The following STK3 variants were observed in gnomAD, a reference collection of about 807,000 sequenced individuals.
STK3 encodes serine/threonine-protein kinase 3.
In STK3, 41 loss-of-function variants were observed where a neutral mutation model predicts 58.0. The observed-to-expected ratio is 0.71, with a 90% confidence interval of 0.55 to 0.92. The LOEUF (loss-of-function observed/expected upper bound fraction) is 0.92. STK3 is among the 40% of genes least tolerant of loss of function. STK3 has a pLI of 0.00. For missense variants in STK3, 479 were observed against 602.7 expected, an observed-to-expected ratio of 0.79 and a Z score of 2.15; for synonymous variants, 170 against 191.0, an observed-to-expected ratio of 0.89 and a Z score of 0.91.
At position 98,579,749 on chromosome 8, in the gene STK3, C is replaced by T; in HGVS notation, c.863G>A (p.Arg288Lys). ...IKNAKPVSIL[R>K]DLITEAMEIK... is the part of the protein sequence containing the mutation. ...CTCCATAGCTTCTGTGATCAGGTCTCTTAATATTGATACAGGTTTGGCATT... is the reference window on the plus strand; with the variant it reads ...CTCCATAGCTTCTGTGATCAGGTCTTTTAATATTGATACAGGTTTGGCATT... The change falls in exon 8 of 11, where the codon AGA (arginine) becomes AAA (lysine). Residue 288 changes from arginine to lysine, a missense_variant. Transcript: ENST00000419617. 5.6e-6 allele frequency: 9 copies of T among 1,602,964 alleles called. No homozygotes were observed. The highest frequency in any genetic ancestry group is 7.6e-6 in the Non-Finnish European group (9 of 1,176,738).
chr8:98,712,654 A>T (rs1479052367), intron 4 of STK3, among the ~76,000 whole-genome samples: 1 of 151,994 alleles, frequency 6.6e-6, no homozygotes, highest in South Asian at 2.1e-4. Flanking sequence ...CTGACCTACA[A>T]AGAGACTTAG....
chr8:98,480,385 T>G (rs1342535004), intron 10 of STK3, among the ~76,000 whole-genome samples: 1 of 152,164 alleles, frequency 6.6e-6, no homozygotes, highest in East Asian at 1.9e-4. Flanking sequence ...TGGAACAATA[T>G]TTTAAACTTT....
chr8:98,924,332 C>T (rs1009482325), intron 1 of STK3, among the ~76,000 whole-genome samples: 1 of 152,184 alleles, frequency 6.6e-6, no homozygotes, highest in East Asian at 1.9e-4. Context: ...TTTGCTTACC[C>T]TAACTGGTTA....
At chr8:98,583,192 A>C (rs1289385691) in intron 7 of STK3, among the ~76,000 whole-genome samples, 1 of 152,154 alleles carries the variant, frequency 6.6e-6, no homozygotes, top group Non-Finnish European at 1.5e-5. Context: ...TACTACAACA[A>C]TAACAAAAAT....
At chr8:98,762,404 T>C (rs1196854433) in intron 3 of STK3, among the ~76,000 whole-genome samples, 1 of 152,078 alleles carries the variant, frequency 6.6e-6, no homozygotes. Context: ...TACAGGTGCC[T>C]GCCACCACGC....
intron 7 of STK3, among the ~76,000 whole-genome samples, chr8:98,585,749 G>T (rs190688515): frequency 6.6e-6 from 1 of 152,080 alleles, no homozygotes; most frequent in African/African-American, 2.4e-5. Flanking sequence ...TCTTCCATTT[G>T]TTTGTATCCT....
intron 6 of STK3, among the ~76,000 whole-genome samples, chr8:98,608,626 C>T (rs1816945151): frequency 1.3e-5 from 2 of 152,110 alleles, no homozygotes; most frequent in South Asian, 2.1e-4. Context: ...GTTCACAAGA[C>T]ATCAAAAGAG....
intron 1 of STK3, among the ~76,000 whole-genome samples, chr8:98,811,194 G>C (rs1834194302): frequency 6.6e-6 from 1 of 152,124 alleles, no homozygotes; most frequent in African/African-American, 2.4e-5. Context: ...TGCTAACCCA[G>C]CAGAAGAGAA....
At chr8:98,536,385 T>C (rs1246175599) in intron 9 of STK3, among the ~76,000 whole-genome samples, 2 of 152,102 alleles carry the variant, frequency 1.3e-5, no homozygotes, top group East Asian at 3.9e-4. Context: ...GCCAGGAGTT[T>C]GAAGCTGCAA....
At chr8:98,877,743 A>G (rs1837609689) in intron 3 of STK3, among the ~76,000 whole-genome samples, 1 of 152,104 alleles carries the variant, frequency 6.6e-6, no homozygotes, top group African/African-American at 2.4e-5. Context: ...TCGGCCTCCC[A>G]AAGTGTTGGG....
At chr8:98,923,442 A>C (rs1238680176) in intron 1 of STK3, among the ~76,000 whole-genome samples, 1 of 152,222 alleles carries the variant, frequency 6.6e-6, no homozygotes, top group Non-Finnish European at 1.5e-5. Context: ...GGCAAAGATG[A>C]ATATGATATT....
At chr8:98,596,960 C>T (rs1815878389) in intron 6 of STK3, among the ~76,000 whole-genome samples, 1 of 151,706 alleles carries the variant, frequency 6.6e-6, no homozygotes, top group Non-Finnish European at 1.5e-5. Flanking sequence ...TGTAGATGTC[C>T]CAACATGAGT....
At chr8:98,489,617 A>T (rs1225257618) in intron 10 of STK3, among the ~76,000 whole-genome samples, 2 of 152,128 alleles carry the variant, frequency 1.3e-5, no homozygotes, top group Non-Finnish European at 2.9e-5. Context: ...TTTAATCCAC[A>T]TGAAATTTAT....
At chr8:98,648,927 G>C (rs1322753458) in intron 6 of STK3, among the ~76,000 whole-genome samples, 1 of 150,726 alleles carries the variant, frequency 6.6e-6, no homozygotes, top group Non-Finnish European at 1.5e-5. Context: ...CATGGTGGCG[G>C]GCACCTGTAA....
chr8:98,478,037 A>G (rs1240871836), intron 10 of STK3, among the ~76,000 whole-genome samples: 1 of 152,156 alleles, frequency 6.6e-6, no homozygotes, highest in Non-Finnish European at 1.5e-5. Context: ...CAGAGGAAAG[A>G]ACCTGAATTC....
At position 98,707,315 on chromosome 8, in the gene STK3, G is replaced by T; in HGVS notation, c.352-4C>A. ...TTGCAATTTCATCTTCTATTAACTGGAAAGAAATATTTTTAAAACCATAAT... is the reference window on the plus strand; with the variant it reads ...TTGCAATTTCATCTTCTATTAACTGTAAAGAAATATTTTTAAAACCATAAT... On this transcript the variant is annotated splice_region_variant and splice_polypyrimidine_tract_variant and intron_variant, in intron 4 of 10. Coordinates refer to ENST00000419617, the MANE Select transcript of STK3 (RefSeq NM_006281.4). 2 of 1,501,504 alleles carry T rather than the reference G, an allele frequency of 1.3e-6. No homozygotes were observed. Among genetic ancestry groups the T allele is most frequent in the Non-Finnish European group, 1.8e-6 (2 of 1,119,988 alleles). 93.0% of individuals were successfully genotyped at this position (1,501,504 alleles called of 1,614,324 possible).
intron 6 of STK3, among the ~76,000 whole-genome samples, chr8:98,695,462 G>A (rs1824817758): frequency 6.6e-6 from 1 of 152,080 alleles, no homozygotes; most frequent in Non-Finnish European, 1.5e-5. Flanking sequence ...TTTTCTTCTA[G>A]GATTTTTATG....
intron 6 of STK3, among the ~76,000 whole-genome samples, chr8:98,665,370 T>C (rs1822259319): frequency 6.6e-6 from 1 of 152,164 alleles, no homozygotes; most frequent in Non-Finnish European, 1.5e-5. Flanking sequence ...TTGAAGTAGC[T>C]GGTTACATAA....
intron 3 of STK3, among the ~76,000 whole-genome samples, chr8:98,751,947 T>TA (rs2131367466): frequency 6.6e-6 from 1 of 151,564 alleles, no homozygotes; most frequent in South Asian, 2.1e-4. Flanking sequence ...CTCAAAAAAA[T>TA]AATAATAAAA....
Sources: allele counts gnomAD v4.1 joint callset (sites outside exome capture counted in the v4.1 genomes callset), GRCh38; gene constraint gnomAD v4.1.1; transcripts MANE v1.5; gene names NCBI Gene and HGNC (gene_info 2026-07-23, HGNC 2026-07-21).